Variants in TENM3 observed in about 807,000 individuals in gnomAD.
The protein encoded by TENM3 is teneurin-3.
A neutral mutation model predicts 255.1 loss-of-function variants in TENM3; 63 were observed. That is an observed-to-expected ratio of 0.25 (90% CI 0.20 to 0.30). TENM3 has a LOEUF of 0.30. Ranked by LOEUF, TENM3 falls within the 10% of genes least tolerant of loss-of-function variation. The pLI, the probability that TENM3 is intolerant of heterozygous loss-of-function variation, is 1.00. For missense variants in TENM3, 2,929 were observed against 3,461.1 expected (o/e 0.85, Z 3.86); for synonymous variants, 1,306 against 1,322.3 (o/e 0.99, Z 0.27).
chr4:182,032,161 C>G, the TENM3 span, among the ~76,000 whole-genome samples: 1 of 152,102 alleles, frequency 6.6e-6, no homozygotes, highest in South Asian at 2.1e-4. Flanking sequence ...CAGCTTTTGC[C>G]CATTCAGTAT....
chr4:181,727,905 C>G, the TENM3 span, among the ~76,000 whole-genome samples: 1 of 152,214 alleles, frequency 6.6e-6, no homozygotes, highest in Admixed American at 6.5e-5. Context: ...CGCAAGTCTA[C>G]TATGCCTTAA....
chr4:181,648,183 T>C, the TENM3 span, among the ~76,000 whole-genome samples: 2 of 152,110 alleles, frequency 1.3e-5, no homozygotes, highest in African/African-American at 2.4e-5. Flanking sequence ...TGTTCTGGTA[T>C]GGTAATTATT....
the TENM3 span, among the ~76,000 whole-genome samples, chr4:181,750,914 T>A: frequency 1.3e-5 from 2 of 152,128 alleles, no homozygotes; most frequent in African/African-American, 4.8e-5. Context: ...GACAATCAAT[T>A]ACTTTGTTTT....
At chr4:181,720,816 G>T in the TENM3 span, among the ~76,000 whole-genome samples, 1 of 152,110 alleles carries the variant, frequency 6.6e-6, no homozygotes, top group African/African-American at 2.4e-5. Flanking sequence ...AAAAAATGAG[G>T]TCGGACCATA....
intron 1 of TENM3, among the ~76,000 whole-genome samples, chr4:182,149,446 A>T (rs546003502): frequency 6.6e-6 from 1 of 152,194 alleles, no homozygotes; most frequent in Non-Finnish European, 1.5e-5. Context: ...TACTAAAAAT[A>T]GTGATCTACT....
At chr4:181,497,206 C>A in the TENM3 span, among the ~76,000 whole-genome samples, 1 of 152,104 alleles carries the variant, frequency 6.6e-6, no homozygotes, top group African/African-American at 2.4e-5. Flanking sequence ...CATACAGAGG[C>A]ACACACATAG....
intron 3 of TENM3, among the ~76,000 whole-genome samples, chr4:182,374,038 A>G (rs1424474343): frequency 6.6e-6 from 1 of 152,088 alleles, no homozygotes; most frequent in African/African-American, 2.4e-5. Flanking sequence ...TGTATAGTAT[A>G]TATATATATA....
chr4:181,739,021 C>T, the TENM3 span, among the ~76,000 whole-genome samples: 10 of 152,132 alleles, frequency 6.6e-5, no homozygotes, highest in Non-Finnish European at 1.5e-4. Flanking sequence ...CACTCCGTCA[C>T]TGAACCCATG....
chr4:181,921,407 C>T, the TENM3 span, among the ~76,000 whole-genome samples: 3 of 152,146 alleles, frequency 2.0e-5, no homozygotes, highest in African/African-American at 7.2e-5. Flanking sequence ...TCTGTAATTT[C>T]ATTGAGCAGT....
intron 7 of TENM3, among the ~76,000 whole-genome samples, chr4:182,675,744 T>A (rs1380108763): frequency 5.9e-5 from 9 of 152,198 alleles, no homozygotes; most frequent in African/African-American, 2.4e-5. Flanking sequence ...AACTTACAAA[T>A]TCTAGAAAAT....
chr4:181,721,974 T>A, the TENM3 span, among the ~76,000 whole-genome samples: 1,554 of 152,184 alleles, frequency 0.01, 28 homozygotes, highest in African/African-American at 0.035. Context: ...CAGTATTTGG[T>A]TGGGAGATCT....
chr4:181,842,382 C>G, the TENM3 span, among the ~76,000 whole-genome samples: 1 of 152,140 alleles, frequency 6.6e-6, no homozygotes, highest in Non-Finnish European at 1.5e-5. Context: ...AATTCTATAT[C>G]TGCCTGTTTA....
chr4:182,533,662 G>A (rs893722591), intron 3 of TENM3, among the ~76,000 whole-genome samples: 1 of 151,696 alleles, frequency 6.6e-6, no homozygotes, highest in Non-Finnish European at 1.5e-5. Context: ...ATAAAAGGTT[G>A]TCTTTCACTT....
the TENM3 span, among the ~76,000 whole-genome samples, chr4:181,740,681 G>A: frequency 2.7e-5 from 4 of 146,028 alleles, no homozygotes; most frequent in African/African-American, 1.1e-4. Context: ...CAAAAAATCA[G>A]CACTGGAAAA....
In TENM3 at chr4:182,200,793, C is replaced by T. The variant is rs1474716521; in HGVS notation, c.-76+56039C>T. On this transcript the variant is annotated intron_variant, in intron 1 of 2. Coordinates refer to the TENM3 transcript ENST00000512480. ...AGCCGTTCATACAAACAGAACCAGCCAAGGGGAAGAATAACTTTAGAAACT... is the reference window on the plus strand; with the variant it reads ...AGCCGTTCATACAAACAGAACCAGCTAAGGGGAAGAATAACTTTAGAAACT... 2.0e-5 allele frequency among the ~76,000 whole-genome samples: 3 copies of T among 149,312 alleles called. No individual in the cohort carries two copies. In the South Asian group the frequency reaches 6.3e-4, roughly 31 times the overall value.
chr4:181,602,453 T>C, the TENM3 span, among the ~76,000 whole-genome samples: 1 of 152,234 alleles, frequency 6.6e-6, no homozygotes. Context: ...TCATTTGTGA[T>C]GAGATTTTGC....
chr4:182,730,123 T>C, intron 14 of TENM3, 77 bp from the exon 15 acceptor site: 6 of 1,561,970 alleles, frequency 3.8e-6, no homozygotes, highest in Non-Finnish European at 5.3e-6. Flanking sequence ...TATCCTTAGG[T>C]TGAATTATCT....
At chr4:181,946,477 C>T in the TENM3 span, among the ~76,000 whole-genome samples, 1 of 152,126 alleles carries the variant, frequency 6.6e-6, no homozygotes, top group South Asian at 2.1e-4. Flanking sequence ...CTGAAAGTGG[C>T]TCCCTACACC....
chr4:181,554,269 G>A, the TENM3 span, among the ~76,000 whole-genome samples: 1 of 152,104 alleles, frequency 6.6e-6, no homozygotes, highest in East Asian at 1.9e-4. Flanking sequence ...GAAAAGCTGC[G>A]GGCGGTGTCT....
Sources: gnomAD v4.1 joint callset for allele counts (sites outside exome capture counted in the v4.1 genomes callset) on GRCh38, gnomAD v4.1.1 for gene constraint, MANE v1.5 for transcripts, NCBI Gene and HGNC (gene_info 2026-07-23, HGNC 2026-07-21) for gene names.